Variants in BRINP3 observed in about 807,000 individuals in gnomAD.
BRINP3 encodes the protein BMP/retinoic acid-inducible neural-specific protein 3.
In BRINP3, 19 loss-of-function variants were observed where a neutral mutation model predicts 71.0. That is an observed-to-expected ratio of 0.27 (90% CI 0.19 to 0.39). The LOEUF (loss-of-function observed/expected upper bound fraction) is 0.39, where lower values mean the gene tolerates loss of function less well. Ranked by LOEUF, BRINP3 falls within the 10% of genes least tolerant of loss-of-function variation. BRINP3 has a pLI of 1.00. For synonymous variants in BRINP3, 380 were observed against 337.7 expected (o/e 1.13, Z -1.37); for missense variants, 959 against 940.8 (o/e 1.02, Z -0.25).
At chr1:190,162,713 A>C (rs1213807782) in intron 6 of BRINP3, among the ~76,000 whole-genome samples, 1 of 152,174 alleles carries the variant, frequency 6.6e-6, no homozygotes. Flanking sequence ...AAGGGATTTA[A>C]ATTCATAAAT....
At chr1:190,371,555 C>A (rs1669867116) in intron 2 of BRINP3, among the ~76,000 whole-genome samples, 2 of 152,170 alleles carry the variant, frequency 1.3e-5, no homozygotes, top group South Asian at 4.1e-4. Context: ...ATGCCATTAT[C>A]ATGATGCTTT....
At chr1:190,139,964 A>AATGTAAT (rs1447413472) in intron 7 of BRINP3, among the ~76,000 whole-genome samples, 3 of 152,232 alleles carry the variant, frequency 2.0e-5, no homozygotes, top group African/African-American at 7.2e-5. Context: ...ATACGATAAA[A>AATGTAAT]ATGTAATATG....
At chr1:190,104,417 T>C (rs909037713) in intron 7 of BRINP3, among the ~76,000 whole-genome samples, 8 of 152,120 alleles carry the variant, frequency 5.3e-5, no homozygotes, top group Non-Finnish European at 7.4e-5. Context: ...AGGAAATAAA[T>C]GTAAACTCTT....
At chr1:190,443,201 C>T (rs948701701) in intron 2 of BRINP3, among the ~76,000 whole-genome samples, 5 of 151,822 alleles carry the variant, frequency 3.3e-5, no homozygotes, top group African/African-American at 9.7e-5. Flanking sequence ...GCCTGTCCAG[C>T]CTTCTGTATC....
chr1:190,177,150 C>CTTTTTTT lies in BRINP3; in HGVS notation c.962-16267_962-16261dup, dbSNP rs1030190199. ...TGGTTTGTCATGGAAGCACCCACTT[C>CTTTTTTT]TTTTTTTTTTTTTTTTTTTTTTTTT... On this transcript the variant is annotated intron_variant, in intron 6 of 7. Coordinates refer to ENST00000367462, the MANE Select transcript of BRINP3 (RefSeq NM_199051.3). 1.7e-4 allele frequency among the ~76,000 whole-genome samples: 11 copies of CTTTTTTT among 63,212 alleles called. 3 individuals are homozygous for CTTTTTTT. The highest frequency in any genetic ancestry group is 5.0e-4 in the East Asian group (1 of 1,982). The allele number at this position is 63,212 out of a possible 152,430, so 41.5% of individuals were successfully genotyped here.
At chr1:190,166,674 T>C (rs1016128055) in intron 6 of BRINP3, among the ~76,000 whole-genome samples, 2 of 152,100 alleles carry the variant, frequency 1.3e-5, no homozygotes, top group Admixed American at 6.6e-5. Context: ...GTTAGTTCCA[T>C]ATGGTGTTGT....
At chr1:190,238,261 T>C (rs1241505423) in intron 4 of BRINP3, among the ~76,000 whole-genome samples, 1 of 152,020 alleles carries the variant, frequency 6.6e-6, no homozygotes, top group East Asian at 1.9e-4. Context: ...TCGTATTCAA[T>C]TTCTGATATC....
chr1:190,236,450 A>G (rs1571454783), intron 4 of BRINP3, among the ~76,000 whole-genome samples: 1 of 152,020 alleles, frequency 6.6e-6, no homozygotes, highest in Non-Finnish European at 1.5e-5. Context: ...ATGGATACAG[A>G]CACATTAACT....
chr1:190,108,366 G>T (rs1029631305), intron 7 of BRINP3, among the ~76,000 whole-genome samples: 2 of 151,552 alleles, frequency 1.3e-5, no homozygotes, highest in African/African-American at 4.8e-5. Flanking sequence ...GTGCGCACAC[G>T]CTGGTATAAA....
chr1:190,266,720 G>A (rs187395577), intron 3 of BRINP3, among the ~76,000 whole-genome samples: 1 of 152,250 alleles, frequency 6.6e-6, no homozygotes, highest in African/African-American at 2.4e-5. Context: ...ACTCATCCAC[G>A]TGATAAGTCG....
chr1:190,199,662 C>A (rs2102605334), intron 6 of BRINP3, among the ~76,000 whole-genome samples: 1 of 151,074 alleles, frequency 6.6e-6, no homozygotes, highest in Non-Finnish European at 1.5e-5. Context: ...ATCTTTGTCA[C>A]AAGTTAGGAG....
intron 3 of BRINP3, 59 bp downstream of exon 3, chr1:190,281,501 G>T: frequency 5.4e-6 from 8 of 1,485,014 alleles, no homozygotes; most frequent in South Asian, 1.2e-5. Flanking sequence ...ACTTTTCTGC[G>T]ATTTATACGG....
chr1:190,300,956 G>T (rs1033621592), intron 2 of BRINP3, among the ~76,000 whole-genome samples: 1 of 151,726 alleles, frequency 6.6e-6, no homozygotes, highest in African/African-American at 2.4e-5. Context: ...AGAGAAGAAG[G>T]CTTCAGATGA....
At chr1:190,389,854 A>G (rs1485663129) in intron 2 of BRINP3, among the ~76,000 whole-genome samples, 3 of 151,822 alleles carry the variant, frequency 2.0e-5, no homozygotes, top group Non-Finnish European at 4.4e-5. Flanking sequence ...TGATTAGGGT[A>G]GACACAAGAG....
Position 190,160,892 on chromosome 1 carries a change from T to C in BRINP3, c.962-2A>G, listed in dbSNP as rs760332336. The C allele has an allele frequency of 6.3e-7, 1 of 1,581,646 alleles. No homozygotes were observed. Among genetic ancestry groups the C allele is most frequent in the South Asian group, 1.2e-5 (1 of 86,850 alleles). Reference sequence around the variant, plus strand: ...TTTTCATAAATAACTTGAATTCATCTGAAAAATGTCAAAATTCAACACTTT... The same window carrying C: ...TTTTCATAAATAACTTGAATTCATCCGAAAAATGTCAAAATTCAACACTTT... On this transcript the variant is annotated splice_acceptor_variant, in intron 6 of 7. Coordinates refer to ENST00000367462, the MANE Select transcript of BRINP3 (RefSeq NM_199051.3). LOFTEE classifies it high-confidence loss of function.
intron 1 of BRINP3, among the ~76,000 whole-genome samples, chr1:190,456,029 A>G (rs1016702073): frequency 6.6e-6 from 1 of 152,202 alleles, no homozygotes; most frequent in Admixed American, 6.5e-5. Flanking sequence ...AGAAAGGTTT[A>G]CTTGCATGAG....
chr1:190,301,210 T>TACACACACATAC lies in BRINP3; in HGVS notation c.237-19461_237-19460insGTATGTGTGTGT, dbSNP rs1553283747. Among the ~76,000 whole-genome samples, 29 of 107,820 alleles carry TACACACACATAC rather than the reference T, an allele frequency of 2.7e-4. No individual in the cohort carries two copies. In the East Asian group the frequency reaches 7.3e-3, roughly 27 times the overall value. 70.7% of individuals were successfully genotyped at this position (107,820 alleles called of 152,430 possible). Reference sequence around the variant, plus strand: ...ATGTATATATATACACATACATATATATATATATATATATATATATATATA... The same window carrying TACACACACATAC: ...ATGTATATATATACACATACATATATACACACACATACATATATATATATATATATATATATA... On this transcript the variant is annotated intron_variant, in intron 2 of 7. Coordinates refer to ENST00000367462, the MANE Select transcript of BRINP3 (RefSeq NM_199051.3).
intron 2 of BRINP3, among the ~76,000 whole-genome samples, chr1:190,380,283 G>A (rs1190049523): frequency 6.6e-6 from 1 of 152,136 alleles, no homozygotes; most frequent in Non-Finnish European, 1.5e-5. Context: ...TACCAGGAAT[G>A]ATCTGCAGGC....
intron 6 of BRINP3, among the ~76,000 whole-genome samples, chr1:190,211,371 T>C (rs1655977079): frequency 6.6e-6 from 1 of 152,092 alleles, no homozygotes; most frequent in Admixed American, 6.6e-5. Context: ...AGTATTTTTG[T>C]TTTTTAAAAT....
Sources: allele counts gnomAD v4.1 joint callset (sites outside exome capture counted in the v4.1 genomes callset), GRCh38; gene constraint gnomAD v4.1.1; transcripts MANE v1.5; gene names NCBI Gene and HGNC (gene_info 2026-07-23, HGNC 2026-07-21).